Variants in MID2 observed in about 807,000 individuals in gnomAD.
MID2 encodes the protein probable E3 ubiquitin-protein ligase MID2.
In MID2, 13 loss-of-function variants were observed where a neutral mutation model predicts 46.1. The ratio of observed to expected loss-of-function variants is 0.28; its 90% CI spans 0.18 to 0.45. The LOEUF (loss-of-function observed/expected upper bound fraction) is 0.45, where lower values mean the gene tolerates loss of function less well. Ranked by LOEUF, MID2 falls within the 20% of genes least tolerant of loss-of-function variation. MID2 has a pLI of 1.00. For missense variants in MID2, 431 were observed against 575.4 expected (o/e 0.75, Z 2.57); for synonymous variants, 199 against 212.3 (o/e 0.94, Z 0.55).
At position 107,917,561 on chromosome X, in the gene MID2, T is replaced by A; in HGVS notation, c.1257T>A (p.Ile419=). 1 of 1,211,361 alleles carries A rather than the reference T, an allele frequency of 8.3e-7. No individual in the cohort carries two copies. The highest frequency in any genetic ancestry group is 3.0e-5 in the East Asian group (1 of 33,833). Residue 419 remains isoleucine (I), a synonymous_variant, in exon 7 of 10, where the codon ATT becomes ATA. Coordinates refer to ENST00000262843, the MANE Select transcript of MID2 (RefSeq NM_012216.4). ...TCTGTACTGCCTCCCATGACACCATTACAGTCCACTGGATCTCGGATGATG... is the reference window on the plus strand; with the variant it reads ...TCTGTACTGCCTCCCATGACACCATAACAGTCCACTGGATCTCGGATGATG... ...EELCTASHDT[I]TVHWISDDEF...
chrX:107,908,069 A>G (rs1291639581), intron 5 of MID2, among the ~76,000 whole-genome samples: 1 of 112,457 alleles, frequency 8.9e-6, no homozygotes, highest in African/African-American at 3.2e-5. Flanking sequence ...CACAGGCAAG[A>G]TTCAAATTTA....
intron 5 of MID2, among the ~76,000 whole-genome samples, chrX:107,913,884 A>G (rs1293514084): frequency 8.9e-6 from 1 of 111,936 alleles, no homozygotes; most frequent in Non-Finnish European, 1.9e-5. Flanking sequence ...CATCGTTCTT[A>G]AGATAAAATC....
At chrX:107,890,071 C>T (rs961754813) in intron 3 of MID2, among the ~76,000 whole-genome samples, 1 of 111,716 alleles carries the variant, frequency 9.0e-6, no homozygotes, top group African/African-American at 3.3e-5. Context: ...GAACTTCCTC[C>T]TTTAGCTCGG....
At chrX:107,905,396 C>G in intron 4 of MID2, 82 bp from the exon 5 acceptor site, 1,748 of 679,168 alleles carry the variant, frequency 2.6e-3, no homozygotes, top group Non-Finnish European at 3.6e-3. Flanking sequence ...CTGCAGCATG[C>G]CTCCTTCATG....
At chrX:107,905,790 T>C (rs1398028382) in intron 5 of MID2, among the ~76,000 whole-genome samples, 164 bp downstream of exon 5, 1 of 112,191 alleles carries the variant, frequency 8.9e-6, no homozygotes, top group Non-Finnish European at 1.9e-5. Context: ...TTCTGGACCC[T>C]TGTCTCTGTC....
intron 3 of MID2, chrX:107,895,336 A>G (rs369320216): frequency 2.7e-5 from 3 of 110,632 alleles, no homozygotes; most frequent in African/African-American, 9.9e-5. Flanking sequence ...ACTTCTTTAT[A>G]GGCACATCTG....
intron 3 of MID2, among the ~76,000 whole-genome samples, chrX:107,866,615 G>T (rs763078697): frequency 8.9e-6 from 1 of 111,828 alleles, no homozygotes; most frequent in Non-Finnish European, 1.9e-5. Flanking sequence ...TTAGCATAGT[G>T]TTATGTGATA....
At chrX:107,891,907 A>G (rs1342605174) in intron 3 of MID2, among the ~76,000 whole-genome samples, 1 of 111,458 alleles carries the variant, frequency 9.0e-6, no homozygotes, top group Non-Finnish European at 1.9e-5. Context: ...GGCTGGAATC[A>G]GACTGTTTTC....
At chrX:107,855,124 A>T (rs939465938) in intron 3 of MID2, among the ~76,000 whole-genome samples, 6 of 111,288 alleles carry the variant, frequency 5.4e-5, no homozygotes, top group Non-Finnish European at 1.1e-4. Flanking sequence ...TAACAATATT[A>T]TCAGGACTGC....
chrX:107,880,042 T>C (rs2147848616), intron 3 of MID2, among the ~76,000 whole-genome samples: 1 of 108,232 alleles, frequency 9.2e-6, no homozygotes, highest in African/African-American at 3.4e-5. Flanking sequence ...AGCTGACTTA[T>C]CAAGCAGAAG....
intron 3 of MID2, among the ~76,000 whole-genome samples, chrX:107,873,084 G>A (rs751596895): frequency 2.3e-4 from 26 of 111,509 alleles, no homozygotes; most frequent in Non-Finnish European, 4.0e-4. Context: ...GAGACCCCCT[G>A]GGTGACGGCT....
chrX:107,873,707 T>C (rs1310764046), intron 3 of MID2, among the ~76,000 whole-genome samples: 2 of 112,386 alleles, frequency 1.8e-5, no homozygotes, highest in Non-Finnish European at 3.8e-5. Flanking sequence ...TTTAGCTGCT[T>C]GGTCTGCCAA....
chrX:107,877,932 G>A (rs1932235142), intron 3 of MID2, among the ~76,000 whole-genome samples: 2 of 109,702 alleles, frequency 1.8e-5, no homozygotes, highest in South Asian at 4.0e-4. Context: ...ATCAGCCAGC[G>A]GGGCCACTCC....
chrX:107,909,415 G>A (rs749465841), intron 5 of MID2, among the ~76,000 whole-genome samples: 32 of 111,439 alleles, frequency 2.9e-4, no homozygotes, highest in East Asian at 5.6e-4. Flanking sequence ...CAGTTTCCTC[G>A]CATGCATTTG....
Position 107,917,539 on chromosome X carries a change from G to C in MID2, c.1235G>C (p.Cys412Ser). Residue 412 changes from cysteine (C) to serine (S), a missense_variant, in exon 7 of 10, where the codon TGT becomes TCT. Coordinates refer to ENST00000262843, the MANE Select transcript of MID2 (RefSeq NM_012216.4). ...CCACCATCTATCCGAGAAGAACTCTGTACTGCCTCCCATGACACCATTACA... is the reference window on the plus strand; with the variant it reads ...CCACCATCTATCCGAGAAGAACTCTCTACTGCCTCCCATGACACCATTACA... ...PNPPSIREEL[C>S]TASHDTITVH... 2 of 1,210,828 alleles carry C rather than the reference G, an allele frequency of 1.7e-6. No homozygotes were observed. Among genetic ancestry groups the C allele is most frequent in the Non-Finnish European group, 2.2e-6 (2 of 895,005 alleles).
At chrX:107,891,064 G>C (rs964899842) in intron 3 of MID2, among the ~76,000 whole-genome samples, 9 of 110,169 alleles carry the variant, frequency 8.2e-5, no homozygotes, top group Admixed American at 6.8e-4. Flanking sequence ...TGAGCTTCCT[G>C]GGTGAGGCGA....
chrX:107,856,620 C>G (rs755364584), intron 3 of MID2, among the ~76,000 whole-genome samples: 1 of 111,890 alleles, frequency 8.9e-6, no homozygotes, highest in East Asian at 2.8e-4. Context: ...CCAGCCCATC[C>G]TGCCAATCAA....
intron 2 of MID2, among the ~76,000 whole-genome samples, chrX:107,853,924 T>C (rs1169493180): frequency 3.6e-5 from 4 of 111,791 alleles, no homozygotes; most frequent in Non-Finnish European, 7.5e-5. Context: ...CTCCCATTTG[T>C]AAAATACTAG....
intron 3 of MID2, among the ~76,000 whole-genome samples, chrX:107,893,725 T>TA (rs1932652596): frequency 8.9e-6 from 1 of 112,120 alleles, no homozygotes; most frequent in African/African-American, 3.2e-5. Flanking sequence ...TGGCTCTGTT[T>TA]TATAAGCTGC....
Sources: gnomAD v4.1 joint callset for allele counts (sites outside exome capture counted in the v4.1 genomes callset) on GRCh38, gnomAD v4.1.1 for gene constraint, MANE v1.5 for transcripts, NCBI Gene and HGNC (gene_info 2026-07-23, HGNC 2026-07-21) for gene names.